The following SLC24A2 variants were observed in gnomAD, a reference collection of about 807,000 sequenced individuals.
The protein encoded by SLC24A2 is solute carrier family 24 member 2, also known as sodium/potassium/calcium exchanger 2.
In SLC24A2, 36 loss-of-function variants were observed where a neutral mutation model predicts 62.0. The ratio of observed to expected loss-of-function variants is 0.58; its 90% confidence interval spans 0.44 to 0.77. The LOEUF (loss-of-function observed/expected upper bound fraction) is 0.77, where lower values mean the gene tolerates loss of function less well. SLC24A2 is among the 30% of genes least tolerant of loss of function. The probability of loss-of-function intolerance (pLI) is 0.00; values close to 1 mark genes in which losing one functional copy is unlikely to be tolerated. For missense variants in SLC24A2, 846 were observed against 817.9 expected (o/e 1.03, Z -0.42); for synonymous variants, 358 against 294.0 (o/e 1.22, Z -2.23).
the SLC24A2 span, among the ~76,000 whole-genome samples, chr9:19,884,057 T>A: frequency 6.6e-6 from 1 of 152,210 alleles, no homozygotes; most frequent in Non-Finnish European, 1.5e-5. Flanking sequence ...CATGTGATAA[T>A]AATAGGACGA....
the SLC24A2 span, among the ~76,000 whole-genome samples, chr9:20,203,860 G>C: frequency 6.6e-6 from 1 of 152,144 alleles, no homozygotes; most frequent in Non-Finnish European, 1.5e-5. Flanking sequence ...CATATCAGCA[G>C]ACCCATAATG....
Position 19,699,343 on chromosome 9 carries a change from C to A in SLC24A2, c.931-77044G>T, listed in dbSNP as rs377275124. 6.6e-5 allele frequency among the ~76,000 whole-genome samples: 10 copies of A among 152,184 alleles called. No homozygotes were observed. In the South Asian group the frequency reaches 2.1e-3, roughly 32 times the overall value. On this transcript the variant is annotated intron_variant, in intron 2 of 10. Transcript: ENST00000341998. ...ATCTTGCAAAAGTCTTAAAAACACTCAAAATGGAGAAATTGCCCCTCTCAT... is the reference window on the plus strand; with the variant it reads ...ATCTTGCAAAAGTCTTAAAAACACTAAAAATGGAGAAATTGCCCCTCTCAT...
At chr9:19,689,459 C>G (rs1419901209) in intron 2 of SLC24A2, among the ~76,000 whole-genome samples, 7 of 152,146 alleles carry the variant, frequency 4.6e-5, no homozygotes, top group Admixed American at 3.9e-4. Flanking sequence ...TTATTGGGCA[C>G]TTCTTTCAAC....
intron 2 of SLC24A2, among the ~76,000 whole-genome samples, chr9:19,717,047 C>G (rs1820880454): frequency 2.0e-5 from 3 of 152,166 alleles, no homozygotes; most frequent in African/African-American, 7.2e-5. Flanking sequence ...GATCTGATAT[C>G]TGAGTTCTGG....
intron 8 of SLC24A2, among the ~76,000 whole-genome samples, chr9:19,548,471 C>T (rs1034580214): frequency 6.6e-5 from 10 of 152,122 alleles, no homozygotes; most frequent in Admixed American, 5.9e-4. Flanking sequence ...CCTGAAATTA[C>T]ATAATATAGT....
At chr9:19,738,992 C>T (rs945964044) in intron 2 of SLC24A2, among the ~76,000 whole-genome samples, 7 of 151,918 alleles carry the variant, frequency 4.6e-5, no homozygotes, top group Admixed American at 2.0e-4. Flanking sequence ...TGGTGCGCAC[C>T]GGTAGTCCCA....
the SLC24A2 span, among the ~76,000 whole-genome samples, chr9:19,847,045 T>C: frequency 6.6e-6 from 1 of 152,102 alleles, no homozygotes; most frequent in Non-Finnish European, 1.5e-5. Flanking sequence ...AGATCTGGCT[T>C]AGGTTCTGTT....
the SLC24A2 span, among the ~76,000 whole-genome samples, chr9:20,092,417 C>T: frequency 6.6e-6 from 1 of 151,980 alleles, no homozygotes; most frequent in East Asian, 1.9e-4. Flanking sequence ...CATAAACTTT[C>T]TTAAAACCTT....
At chr9:20,062,644 A>T in the SLC24A2 span, among the ~76,000 whole-genome samples, 6 of 139,574 alleles carry the variant, frequency 4.3e-5, no homozygotes, top group Non-Finnish European at 6.1e-5. Context: ...GACAAATGGG[A>T]TCTCATTAAA....
chr9:19,592,501 CCT>C (rs1563986514), intron 5 of SLC24A2, among the ~76,000 whole-genome samples: 5 of 144,522 alleles, frequency 3.5e-5, no homozygotes, highest in East Asian at 3.3e-4. Flanking sequence ...TACCCACCTA[CCT>C]ACCTACCTAC....
At chr9:19,758,693 G>A (rs944237137) in intron 2 of SLC24A2, among the ~76,000 whole-genome samples, 1 of 152,132 alleles carries the variant, frequency 6.6e-6, no homozygotes, top group East Asian at 1.9e-4. Context: ...GTAAGTGTGA[G>A]GGTCCAAGAC....
the SLC24A2 span, among the ~76,000 whole-genome samples, chr9:20,301,429 G>C: frequency 2.0e-5 from 3 of 151,936 alleles, no homozygotes; most frequent in Admixed American, 2.0e-4. Context: ...ACATGACTTT[G>C]CTGCATTTCT....
At chr9:19,643,242 A>T (rs1818554436) in intron 2 of SLC24A2, among the ~76,000 whole-genome samples, 3 of 152,186 alleles carry the variant, frequency 2.0e-5, no homozygotes, top group Non-Finnish European at 4.4e-5. Context: ...CTCATTATCT[A>T]TAGTATAAAA....
the SLC24A2 span, among the ~76,000 whole-genome samples, chr9:19,952,296 GC>G: frequency 6.6e-6 from 1 of 151,906 alleles, no homozygotes; most frequent in Admixed American, 6.6e-5. Flanking sequence ...AATATGCAAG[GC>G]TTTTATTCAT....
chr9:19,585,032 G>A (rs1836328541), intron 5 of SLC24A2, among the ~76,000 whole-genome samples: 1 of 152,078 alleles, frequency 6.6e-6, no homozygotes, highest in South Asian at 2.1e-4. Context: ...TGTAATTAAT[G>A]AGAATATATA....
At chr9:20,269,060 C>A in the SLC24A2 span, among the ~76,000 whole-genome samples, 4 of 152,244 alleles carry the variant, frequency 2.6e-5, no homozygotes, top group South Asian at 2.1e-4. Context: ...ATATTTCCTG[C>A]TTTGACAATT....
the SLC24A2 span, among the ~76,000 whole-genome samples, chr9:20,195,718 C>T: frequency 6.6e-6 from 1 of 152,096 alleles, no homozygotes; most frequent in Non-Finnish European, 1.5e-5. Context: ...TGCTCCCTCA[C>T]TCTTTATCAT....
At chr9:20,051,202 C>T in the SLC24A2 span, among the ~76,000 whole-genome samples, 1 of 151,982 alleles carries the variant, frequency 6.6e-6, no homozygotes, top group Non-Finnish European at 1.5e-5. Flanking sequence ...CATGCTAACG[C>T]TAATCAAAAT....
At chr9:20,218,887 AATGCAGCCTCATTAG>A in the SLC24A2 span, among the ~76,000 whole-genome samples, 1 of 152,142 alleles carries the variant, frequency 6.6e-6, no homozygotes, top group Non-Finnish European at 1.5e-5. Context: ...GTCTGCGAGG[AATGCAGCCTCATTAG>A]AGGCTCAGAG....
Sources: gnomAD v4.1 joint callset for allele counts (sites outside exome capture counted in the v4.1 genomes callset) on GRCh38, gnomAD v4.1.1 for gene constraint, MANE v1.5 for transcripts, NCBI Gene and HGNC (gene_info 2026-07-23, HGNC 2026-07-21) for gene names.